The following LOC400499 variants were observed in gnomAD, a reference collection of about 807,000 sequenced individuals.
chr16:11,386,221 T>C, the LOC400499 span, among the ~76,000 whole-genome samples: 1 of 151,712 alleles, frequency 6.6e-6, no homozygotes, highest in African/African-American at 2.4e-5. Flanking sequence ...CTGACCAGTC[T>C]AGCCAGTGCG....
At chr16:11,516,465 T>G in the LOC400499 span, among the ~76,000 whole-genome samples, 1 of 152,134 alleles carries the variant, frequency 6.6e-6, no homozygotes, top group African/African-American at 2.4e-5. Context: ...CTTTGTTCCC[T>G]CTGCAGCTGG....
the LOC400499 span, chr16:11,471,953 A>T: frequency 2.0e-5 from 8 of 396,984 alleles, no homozygotes; most frequent in South Asian, 1.1e-3. Flanking sequence ...TGTAGACAGG[A>T]CTCCTGTGAG....
At chr16:11,413,106 G>A in the LOC400499 span, among the ~76,000 whole-genome samples, 3 of 152,206 alleles carry the variant, frequency 2.0e-5, no homozygotes, top group Non-Finnish European at 2.9e-5. Flanking sequence ...CACAGGTGCT[G>A]AGGATACAGG....
the LOC400499 span, among the ~76,000 whole-genome samples, chr16:11,514,749 C>T: frequency 2.0e-5 from 3 of 152,160 alleles, no homozygotes; most frequent in East Asian, 5.8e-4. Flanking sequence ...TCAGCCCAGG[C>T]AAAGGCACAC....
the LOC400499 span, among the ~76,000 whole-genome samples, chr16:11,394,044 A>C: frequency 2.6e-5 from 4 of 152,176 alleles, no homozygotes; most frequent in Non-Finnish European, 5.9e-5. Flanking sequence ...CCCAGGCCCC[A>C]CCCAGACACT....
the LOC400499 span, among the ~76,000 whole-genome samples, chr16:11,499,623 C>G: frequency 1.3e-5 from 2 of 152,088 alleles, no homozygotes; most frequent in African/African-American, 4.8e-5. Context: ...TATATTCCAC[C>G]TGGAGGGACA....
At chr16:11,402,557 A>T in the LOC400499 span, among the ~76,000 whole-genome samples, 1 of 152,180 alleles carries the variant, frequency 6.6e-6, no homozygotes, top group East Asian at 1.9e-4. Context: ...GTCCAGCCAC[A>T]TGAGAACAAA....
chr16:11,423,044 C>A, the LOC400499 span: 3 of 397,860 alleles, frequency 7.5e-6, no homozygotes, highest in African/African-American at 2.1e-5. Flanking sequence ...GGAGGGGGAC[C>A]ATGTGAGTAT....
chr16:11,405,417 A>C, the LOC400499 span, among the ~76,000 whole-genome samples: 1 of 152,256 alleles, frequency 6.6e-6, no homozygotes, highest in Non-Finnish European at 1.5e-5. Flanking sequence ...GTCACAGGAC[A>C]GAAAATGATG....
chr16:11,423,968 C>T, the LOC400499 span: 11 of 397,850 alleles, frequency 2.8e-5, no homozygotes, highest in South Asian at 7.1e-4. Context: ...CAGGGCTGCG[C>T]GGAGCTGCTC....
the LOC400499 span, chr16:11,392,829 T>A: frequency 1.1e-6 from 1 of 947,434 alleles, no homozygotes; most frequent in African/African-American, 1.8e-5. Flanking sequence ...CATCACCCCC[T>A]ACCCCACCAG....
the LOC400499 span, among the ~76,000 whole-genome samples, chr16:11,468,340 G>T: frequency 5.1e-4 from 78 of 152,130 alleles, 1 homozygote; most frequent in African/African-American, 1.8e-3. Flanking sequence ...TTCTTTTTTT[G>T]AGAGACAGGG....
the LOC400499 span, among the ~76,000 whole-genome samples, chr16:11,420,770 C>T: frequency 0.01 from 1,563 of 152,242 alleles, 30 homozygotes; most frequent in African/African-American, 0.035. Flanking sequence ...CTGCATCACC[C>T]GGGCTGAGAA....
chr16:11,374,215 G>A, the LOC400499 span, among the ~76,000 whole-genome samples: 1 of 152,220 alleles, frequency 6.6e-6, no homozygotes, highest in African/African-American at 2.4e-5. Context: ...TTTACTCTTA[G>A]AATTTTATCT....
chr16:11,388,106 G>A, the LOC400499 span, among the ~76,000 whole-genome samples: 1 of 152,122 alleles, frequency 6.6e-6, no homozygotes, highest in African/African-American at 2.4e-5. Context: ...GCAGGGGCAG[G>A]TGGCCTCACT....
the LOC400499 span, among the ~76,000 whole-genome samples, chr16:11,451,766 AC>A: frequency 6.6e-6 from 1 of 152,148 alleles, no homozygotes; most frequent in Non-Finnish European, 1.5e-5. Context: ...CCTGCTGGAG[AC>A]AGGAGATTTA....
the LOC400499 span, chr16:11,469,626 G>A: frequency 5.0e-6 from 2 of 398,982 alleles, no homozygotes; most frequent in East Asian, 7.1e-5. Context: ...GCGTGCCCAT[G>A]AAGACGTGGG....
the LOC400499 span, among the ~76,000 whole-genome samples, chr16:11,480,218 T>C: frequency 1.7e-3 from 259 of 152,350 alleles, no homozygotes; most frequent in African/African-American, 6.2e-3. Flanking sequence ...TGTGAGTCTC[T>C]AGGAAAAGTG....
At chr16:11,403,478 CACAT>C in the LOC400499 span, among the ~76,000 whole-genome samples, 4 of 152,090 alleles carry the variant, frequency 2.6e-5, no homozygotes, top group Admixed American at 1.3e-4. Context: ...CACATGAGCA[CACAT>C]ACACTCATGA....
Sources: allele counts gnomAD v4.1 joint callset (sites outside exome capture counted in the v4.1 genomes callset), GRCh38; gene constraint gnomAD v4.1.1; transcripts MANE v1.5.